Variants in SUFU observed in about 807,000 individuals in gnomAD.
SUFU encodes the protein SUFU negative regulator of hedgehog signaling.
In SUFU, 7 loss-of-function variants were observed where a neutral mutation model predicts 58.9. That is an observed-to-expected ratio of 0.12 (90% CI 0.07 to 0.22). SUFU has a LOEUF of 0.22. Among genes scored for constraint, SUFU ranks in the 10% least tolerant of loss-of-function variants. SUFU has a pLI of 1.00. For missense variants in SUFU, 451 were observed against 641.3 expected (o/e 0.70, Z 3.20); for synonymous variants, 232 against 254.8 (o/e 0.91, Z 0.85).
intron 3 of SUFU, among the ~76,000 whole-genome samples, chr10:102,560,574 CA>C (rs932675176): frequency 6.7e-6 from 1 of 149,862 alleles, no homozygotes; most frequent in South Asian, 2.1e-4. Flanking sequence ...GACTCAGTCT[CA>C]AAAAAAAAGA....
At chr10:102,586,411 C>T (rs970645356) in intron 3 of SUFU, among the ~76,000 whole-genome samples, 6 of 152,062 alleles carry the variant, frequency 3.9e-5, no homozygotes, top group Admixed American at 6.5e-5. Context: ...CGGTGGCTTA[C>T]GCCTGTAATC....
intron 4 of SUFU, among the ~76,000 whole-genome samples, chr10:102,593,140 T>C (rs2063421350): frequency 6.6e-6 from 1 of 152,216 alleles, no homozygotes; most frequent in African/African-American, 2.4e-5. Flanking sequence ...GTTCCACTGA[T>C]TCCCTTGATA....
chr10:102,521,867 C>T (rs1216035099), intron 2 of SUFU, among the ~76,000 whole-genome samples: 2 of 152,084 alleles, frequency 1.3e-5, no homozygotes, highest in Non-Finnish European at 2.9e-5. Context: ...AACAGTTGAA[C>T]CATTTTACTA....
rs2063436073 is a variant in SUFU, at chr10:102,594,127, C to T, written c.756+62C>T. 3.3e-6 allele frequency: 5 copies of T among 1,534,830 alleles called. No homozygotes were observed. The Admixed American group carries it at 5.0e-5, about 15-fold the overall frequency. On this transcript the variant is annotated intron_variant, in intron 6 of 11. Transcript: ENST00000369902. Reference sequence around the variant, plus strand: ...GTGCCTAGGCCTCTTCCAAATAACACTGGCTTTCATCCTGGGAAAACAGAG... The same window carrying T: ...GTGCCTAGGCCTCTTCCAAATAACATTGGCTTTCATCCTGGGAAAACAGAG...
At chr10:102,541,317 C>G (rs1447353328) in intron 2 of SUFU, among the ~76,000 whole-genome samples, 2 of 152,120 alleles carry the variant, frequency 1.3e-5, no homozygotes, top group African/African-American at 2.4e-5. Context: ...CCATCTCATT[C>G]ATTTTTGGTT....
chr10:102,504,366 C>T (rs1276112476), intron 1 of SUFU, 32 bp downstream of exon 1: 1 of 1,612,984 alleles, frequency 6.2e-7, no homozygotes, highest in Non-Finnish European at 8.5e-7. Flanking sequence ...GACGGACAGG[C>T]GCGGGCTGGA....
chr10:102,586,509 T>A (rs2063337249), intron 3 of SUFU, among the ~76,000 whole-genome samples: 1 of 151,894 alleles, frequency 6.6e-6, no homozygotes, highest in Non-Finnish European at 1.5e-5. Context: ...CTGTCTCTAC[T>A]AAAAATACTA....
intron 8 of SUFU, among the ~76,000 whole-genome samples, chr10:102,608,800 T>C (rs903071471): frequency 1.3e-5 from 2 of 152,190 alleles, no homozygotes; most frequent in Non-Finnish European, 2.9e-5. Context: ...AACCGGTACA[T>C]TTTCCCTCTG....
intron 3 of SUFU, among the ~76,000 whole-genome samples, chr10:102,567,333 AGGCCAG>A (rs1554849031): frequency 6.6e-6 from 1 of 151,978 alleles, no homozygotes; most frequent in Non-Finnish European, 1.5e-5. Context: ...AGAAAAAAAA[AGGCCAG>A]GGCAGTGGCT....
chr10:102,579,529 G>A (rs983827286), intron 3 of SUFU, among the ~76,000 whole-genome samples: 2 of 152,210 alleles, frequency 1.3e-5, no homozygotes, highest in African/African-American at 2.4e-5. Context: ...TGAGGGACAG[G>A]AAGGAAGCTG....
At chr10:102,526,465 A>C (rs761785236) in intron 2 of SUFU, among the ~76,000 whole-genome samples, 15 of 151,958 alleles carry the variant, frequency 9.9e-5, no homozygotes, top group Non-Finnish European at 8.8e-5. Context: ...AGGTGGGAGG[A>C]TCGCTTGAGC....
intron 3 of SUFU, among the ~76,000 whole-genome samples, chr10:102,581,209 A>G (rs112203807): frequency 0.014 from 1,325 of 94,682 alleles, 10 homozygotes; most frequent in African/African-American, 0.054. Flanking sequence ...AAAAAAAAAA[A>G]AAGAAGAAGA....
intron 3 of SUFU, among the ~76,000 whole-genome samples, chr10:102,567,785 A>C (rs1297344856): frequency 1.3e-5 from 2 of 152,146 alleles, no homozygotes; most frequent in East Asian, 3.9e-4. Context: ...TGCTTGGCCC[A>C]GTGGAAGCTG....
At chr10:102,551,155 CAT>C (rs2062910388) in intron 3 of SUFU, among the ~76,000 whole-genome samples, 1 of 152,252 alleles carries the variant, frequency 6.6e-6, no homozygotes, top group Non-Finnish European at 1.5e-5. Context: ...GTTGTTGGCA[CAT>C]GAGGCAGATC....
intron 2 of SUFU, among the ~76,000 whole-genome samples, chr10:102,532,900 G>A (rs1040533913): frequency 3.3e-5 from 5 of 152,222 alleles, no homozygotes; most frequent in African/African-American, 1.2e-4. Flanking sequence ...CAGGAGAAAG[G>A]TGTATCGTTT....
At chr10:102,526,998 T>TTG (rs1414318161) in intron 2 of SUFU, among the ~76,000 whole-genome samples, 2 of 140,810 alleles carry the variant, frequency 1.4e-5, no homozygotes, top group Non-Finnish European at 3.1e-5. Flanking sequence ...TTATTGTTTT[T>TTG]TTTTTTTTTT....
Position 102,619,019 on chromosome 10 carries a change from G to T in SUFU, c.1296+1591G>T. 1 of 1,606,860 alleles carries T rather than the reference G, an allele frequency of 6.2e-7. No individual in the cohort carries two copies. Among genetic ancestry groups the T allele is most frequent in the South Asian group, 1.1e-5 (1 of 90,930 alleles). On this transcript the variant is annotated intron_variant, in intron 10 of 11. Coordinates refer to ENST00000369902, the MANE Select transcript of SUFU (RefSeq NM_016169.4). This position sits in a 1 kb window ranked among gnomAD's most constrained non-coding sequence, Gnocchi z 4.2. ...TTTTCCTGGGACAGTCGGGACTGGG[G>T]CCTCCCCAAACTGCAGAATCTACCC...
At chr10:102,588,283 C>T (rs1159155289) in intron 3 of SUFU, among the ~76,000 whole-genome samples, 3 of 151,706 alleles carry the variant, frequency 2.0e-5, no homozygotes, top group African/African-American at 7.3e-5. Flanking sequence ...GTTCCAGCTA[C>T]TCGGGAGGCT....
chr10:102,583,882 G>A (rs1408806918), intron 3 of SUFU, among the ~76,000 whole-genome samples: 3 of 151,996 alleles, frequency 2.0e-5, no homozygotes, highest in Non-Finnish European at 4.4e-5. Context: ...ACAGGCCCTG[G>A]TGTGTGATGT....
Sources: gnomAD v4.1 joint callset for allele counts (sites outside exome capture counted in the v4.1 genomes callset) on GRCh38, gnomAD v4.1.1 for gene constraint, Gnocchi (gnomAD v3.1) non-coding constraint, MANE v1.5 for transcripts, NCBI Gene and HGNC (gene_info 2026-07-23, HGNC 2026-07-21) for gene names.